FGF12: variants seen among roughly 807,000 people sequenced by gnomAD.
The protein encoded by FGF12 is fibroblast growth factor 12B.
A neutral mutation model predicts 23.6 loss-of-function variants in FGF12; 14 were observed. The ratio of observed to expected loss-of-function variants is 0.59; its 90% CI spans 0.39 to 0.93. The LOEUF (loss-of-function observed/expected upper bound fraction) is 0.93. Among genes scored for constraint, FGF12 ranks in the 40% least tolerant of loss-of-function variants. FGF12 has a pLI of 0.00. For missense variants in FGF12, 175 were observed against 217.8 expected (o/e 0.80, Z 1.24); for synonymous variants, 62 against 77.3 (o/e 0.80, Z 1.04).
At chr3:192,560,673 G>T (rs948132699) in intron 2 of FGF12, among the ~76,000 whole-genome samples, 3 of 152,092 alleles carry the variant, frequency 2.0e-5, no homozygotes, top group Non-Finnish European at 4.4e-5. Flanking sequence ...AATTTAATTT[G>T]TAAATTAAAA....
chr3:192,170,781 A>T, intron 4 of FGF12, 125 bp from the exon 5 acceptor site: 1 of 774,466 alleles, frequency 1.3e-6, no homozygotes, highest in Non-Finnish European at 2.0e-6. Context: ...GCAATGACAC[A>T]TAGTTTCTAT....
At chr3:192,534,717 T>C (rs953155439) in intron 2 of FGF12, among the ~76,000 whole-genome samples, 1 of 152,158 alleles carries the variant, frequency 6.6e-6, no homozygotes, top group Non-Finnish European at 1.5e-5. Context: ...ATCTGTTTAT[T>C]TGATGTTCTT....
intron 4 of FGF12, among the ~76,000 whole-genome samples, chr3:192,178,075 T>C (rs1000783472): frequency 6.6e-6 from 1 of 152,188 alleles, no homozygotes; most frequent in Non-Finnish European, 1.5e-5. Context: ...AATCTGAATT[T>C]TTTCTTCCTG....
intron 5 of FGF12, among the ~76,000 whole-genome samples, chr3:192,165,028 G>A (rs2108609931): frequency 6.6e-6 from 1 of 151,970 alleles, no homozygotes; most frequent in East Asian, 1.9e-4. Context: ...CTCAGCTCCT[G>A]GCAAACTCCG....
intron 2 of FGF12, among the ~76,000 whole-genome samples, chr3:192,567,773 C>CTTTCT (rs1712389313): frequency 7.5e-6 from 1 of 133,722 alleles, no homozygotes; most frequent in South Asian, 2.5e-4. Flanking sequence ...TTCTTTCTTT[C>CTTTCT]TTTCTTTCTT....
chr3:192,624,158 C>T (rs1577084628), intron 2 of FGF12, among the ~76,000 whole-genome samples: 1 of 151,710 alleles, frequency 6.6e-6, no homozygotes, highest in South Asian at 2.1e-4. Flanking sequence ...ATACATAGGG[C>T]ATACAACCCA....
At chr3:192,147,051 C>A (rs1350373178) in intron 5 of FGF12, among the ~76,000 whole-genome samples, 1 of 152,104 alleles carries the variant, frequency 6.6e-6, no homozygotes, top group Admixed American at 6.5e-5. Context: ...GAAAACTGCC[C>A]CCCTCCTCAA....
At chr3:192,549,026 T>C (rs1298598459) in intron 2 of FGF12, among the ~76,000 whole-genome samples, 5 of 152,208 alleles carry the variant, frequency 3.3e-5, no homozygotes, top group South Asian at 2.1e-4. Context: ...CATTTCTTAA[T>C]AGGCATTAAA....
rs11920157 is a variant in FGF12, at chr3:192,216,311, T to C, written c.229-45655A>G. On this transcript the variant is annotated intron_variant, in intron 4 of 5. Coordinates refer to ENST00000445105, the MANE Select transcript of FGF12 (RefSeq NM_004113.6). The stretch of plus-strand genomic sequence containing the variant: ...GTCACACATCCAGCCATTTGTTATC[T>C]ACCCCCTGGTAATGGAGGTTATTCC... Among the ~76,000 whole-genome samples the C allele has an allele frequency of 7.0e-3, 1,071 of 152,310 alleles. 7 individuals are homozygous for C. Among genetic ancestry groups the C allele is most frequent in the African/African-American group, 0.025 (1,036 of 41,566 alleles).
At chr3:192,379,263 T>A (rs181442473) in intron 2 of FGF12, among the ~76,000 whole-genome samples, 1 of 152,152 alleles carries the variant, frequency 6.6e-6, no homozygotes, top group East Asian at 1.9e-4. Context: ...GTGTGATAAA[T>A]ACATGTGTAT....
intron 2 of FGF12, among the ~76,000 whole-genome samples, chr3:192,367,825 T>C (rs1313061814): frequency 6.6e-6 from 1 of 152,160 alleles, no homozygotes; most frequent in Non-Finnish European, 1.5e-5. Context: ...AGTCATGTCC[T>C]GTCCCTCATC....
intron 4 of FGF12, among the ~76,000 whole-genome samples, chr3:192,271,949 TA>T (rs1472724372): frequency 2.0e-5 from 3 of 152,210 alleles, no homozygotes; most frequent in Non-Finnish European, 4.4e-5. Context: ...GCTGATCTCC[TA>T]ATTGTGATTC....
At position 192,696,923 on chromosome 3, in the gene FGF12, A is replaced by T. The variant is rs188329227; in HGVS notation, c.13+30258T>A. Among the ~76,000 whole-genome samples, 23 of 152,094 alleles carry T rather than the reference A, an allele frequency of 1.5e-4. No individual in the cohort carries two copies. In the East Asian group the frequency reaches 2.5e-3, roughly 17 times the overall value. Reference sequence around the variant, plus strand: ...TTATAAACTGTAATGCATTTTTTTTAAAAGTGATTTTATGATTAGCAATAA... The same window carrying T: ...TTATAAACTGTAATGCATTTTTTTTTAAAGTGATTTTATGATTAGCAATAA... On this transcript the variant is annotated intron_variant, in intron 2 of 5. Coordinates refer to ENST00000445105, the MANE Select transcript of FGF12 (RefSeq NM_004113.6).
chr3:192,490,008 T>C (rs865863382), intron 2 of FGF12, among the ~76,000 whole-genome samples: 7 of 152,238 alleles, frequency 4.6e-5, no homozygotes, highest in Middle Eastern at 3.4e-3. Context: ...CTAAGTTCTT[T>C]GTGAAATCCA....
At chr3:192,696,535 T>C (rs1423294719) in intron 2 of FGF12, among the ~76,000 whole-genome samples, 1 of 151,920 alleles carries the variant, frequency 6.6e-6, no homozygotes, top group South Asian at 2.1e-4. Flanking sequence ...TATGAAGGGA[T>C]TGTGGAGTGG....
At chr3:192,244,385 G>A (rs1719777337) in intron 4 of FGF12, among the ~76,000 whole-genome samples, 1 of 152,138 alleles carries the variant, frequency 6.6e-6, no homozygotes, top group African/African-American at 2.4e-5. Flanking sequence ...CCTGTGTACT[G>A]ATTCGGAATA....
chr3:192,346,746 G>A (rs761297478), intron 3 of FGF12, among the ~76,000 whole-genome samples: 2 of 152,102 alleles, frequency 1.3e-5, no homozygotes, highest in African/African-American at 2.4e-5. Flanking sequence ...GACATTTGAA[G>A]CCAGGCAACA....
In FGF12 at chr3:192,143,369, TAAAAC is replaced by T. The variant is rs2108575459; in HGVS notation, c.*635_*639del. The T allele has an allele frequency of 6.6e-6, 1 of 152,274 alleles. No homozygotes were observed. Among genetic ancestry groups the T allele is most frequent in the East Asian group, 1.9e-4 (1 of 5,186 alleles). 9.4% of individuals were successfully genotyped at this position (152,274 alleles called of 1,614,324 possible). ...TGCCATACAAGATTTTCCTTTTACA[TAAAAC>T]AATCTTAAATTACATCTCAAAAATA... On this transcript the variant is annotated 3_prime_UTR_variant, in exon 6 of 6. Transcript: ENST00000445105.
intron 2 of FGF12, among the ~76,000 whole-genome samples, chr3:192,625,032 G>A (rs1715112278): frequency 6.6e-6 from 1 of 152,042 alleles, no homozygotes; most frequent in South Asian, 2.1e-4. Flanking sequence ...TAAAAGCTTT[G>A]TTATGTTTCA....
Sources: gnomAD v4.1 joint callset for allele counts (sites outside exome capture counted in the v4.1 genomes callset) on GRCh38, gnomAD v4.1.1 for gene constraint, MANE v1.5 for transcripts, NCBI Gene and HGNC (gene_info 2026-07-23, HGNC 2026-07-21) for gene names.